GRIN1: variants seen among roughly 807,000 people sequenced by gnomAD.
GRIN1 encodes glutamate ionotropic receptor NMDA type subunit 1.
A neutral mutation model predicts 103.0 loss-of-function variants in GRIN1; 38 were observed. The observed-to-expected ratio is 0.37, with a 90% CI of 0.28 to 0.48. The LOEUF is 0.48. Among genes scored for constraint, GRIN1 ranks in the 20% least tolerant of loss-of-function variants. The pLI is 0.98. For missense variants in GRIN1, 577 were observed against 1,288.9 expected, an observed-to-expected ratio of 0.45 and a Z score of 8.46; for synonymous variants, 544 against 532.7, an observed-to-expected ratio of 1.02 and a Z score of -0.29.
At chr9:137,167,361 C>T in intron 19 of GRIN1, 50 bp from the exon 20 acceptor site, 2 of 1,430,974 alleles carry the variant, frequency 1.4e-6, no homozygotes, top group Non-Finnish European at 1.9e-6. Flanking sequence ...GCTGGGGTCC[C>T]TGGCGGCCGG....
chr9:137,143,620 T>G (rs1267111173), intron 2 of GRIN1, among the ~76,000 whole-genome samples: 1 of 152,162 alleles, frequency 6.6e-6, no homozygotes, highest in Non-Finnish European at 1.5e-5. Context: ...GTCTCTACAC[T>G]ACAACCAACC....
Position 137,145,878 on chromosome 9 carries a change from G to A in GRIN1, c.546G>A (p.Thr182=), listed in dbSNP as rs77854056. 4.4e-5 allele frequency: 71 copies of A among 1,606,664 alleles called. 1 individual carries two copies. Among genetic ancestry groups the A allele is most frequent in the Non-Finnish European group, 4.8e-5 (57 of 1,176,836 alleles). ...GGGCGGCTCAGAAACGCCTGGAGAC[G>A]CTGCTGGAGGAGCGTGAGTCCAAGG... ...EGRAAQKRLE[T]LLEERESKAE... The change falls in exon 3 of 20, where the codon ACG becomes ACA. Residue 182 remains threonine (T), a synonymous_variant. Transcript: ENST00000371561.
chr9:137,148,904 A>G lies in GRIN1; in HGVS notation c.571-105A>G, dbSNP rs1832690908. On this transcript the variant is annotated intron_variant, in intron 3 of 19. Coordinates refer to ENST00000371561, the MANE Select transcript of GRIN1 (RefSeq NM_007327.4). ...GGCAGGCGCAGACCATGGCAGCCCT[A>G]GCTAAGCTGCCTCGGGGTTCCCAGC... is the stretch of plus-strand genomic sequence containing the variant. The G allele has an allele frequency of 3.7e-6, 3 of 810,394 alleles. No homozygotes were observed. In the African/African-American group the frequency reaches 5.1e-5, roughly 14 times the overall value. 50.2% of individuals were successfully genotyped at this position (810,394 alleles called of 1,614,324 possible). A position where few individuals can be genotyped will look rare whatever the true frequency, so the allele number is the denominator to read the frequency against.
rs201405430 is a variant in GRIN1, at chr9:137,163,214, G to A, written c.2217G>A (p.Glu739=). Residue 739 remains glutamate, a synonymous_variant, in exon 16 of 20, where the codon GAG becomes GAA. Transcript: ENST00000371561. ...FIWDSAVLEF[E]ASQKCDLVTT... Reference sequence around the variant, plus strand: ...GGGACTCGGCGGTGCTGGAGTTCGAGGCCTCGCAGAAGTGCGACCTGGTGA... The same window carrying A: ...GGGACTCGGCGGTGCTGGAGTTCGAAGCCTCGCAGAAGTGCGACCTGGTGA... 2.5e-6 allele frequency: 4 copies of A among 1,613,536 alleles called. No homozygotes were observed. The highest frequency in any genetic ancestry group is 1.7e-5 in the Admixed American group (1 of 60,008).
intron 4 of GRIN1, among the ~76,000 whole-genome samples, chr9:137,154,058 T>C (rs1040333349): frequency 2.7e-5 from 4 of 150,212 alleles, no homozygotes; most frequent in African/African-American, 7.4e-5. Flanking sequence ...GTGATCCGCC[T>C]GCCTCAGCCT....
At chr9:137,143,490 T>A (rs1832286657) in intron 2 of GRIN1, among the ~76,000 whole-genome samples, 1 of 152,180 alleles carries the variant, frequency 6.6e-6, no homozygotes, top group Non-Finnish European at 1.5e-5. Context: ...GGAGAGAAGA[T>A]GGCCTTACCC....
At chr9:137,162,121 G>C in intron 11 of GRIN1, 33 bp downstream of exon 11, 3 of 1,529,714 alleles carry the variant, frequency 2.0e-6, no homozygotes, top group African/African-American at 1.4e-5. Context: ...GGTGGCGGCG[G>C]GGGGAGTCCC....
At chr9:137,148,784 G>A (rs972959734) in intron 3 of GRIN1, among the ~76,000 whole-genome samples, 10 of 152,226 alleles carry the variant, frequency 6.6e-5, no homozygotes, top group Admixed American at 1.3e-4. Context: ...AGCACAGAAC[G>A]AGCACAGGTG....
In GRIN1 at chr9:137,162,866, G is replaced by C; in HGVS notation, c.2034G>C (p.Lys678Asn). Residue 678 changes from lysine (K) to asparagine (N), a missense_variant, in exon 15 of 20, where the codon AAG (lysine) becomes AAC (asparagine). This residue lies in a region of GRIN1 where 59 missense variants were observed against 161.3 expected (regional missense o/e 0.37). Coordinates refer to ENST00000371561, the MANE Select transcript of GRIN1 (RefSeq NM_007327.4). Reference protein sequence around the residue: ...NDPRLRNPSDKFIYATVKQSS... With the variant: ...NDPRLRNPSDNFIYATVKQSS... ...TGCAGCTGAGGAACCCCTCGGACAA[G>C]TTTATCTACGCCACGGTGAAGCAGA... The C allele has an allele frequency of 6.2e-7, 1 of 1,612,284 alleles. No homozygotes were observed. Among genetic ancestry groups the C allele is most frequent in the Non-Finnish European group, 8.5e-7 (1 of 1,179,690 alleles).
rs1833959353 is a variant in GRIN1, at chr9:137,167,743, G to A, written c.*216G>A. ...GCGTGCCCCCAGCGTGGGGCTAACG[G>A]GCGCCTTGTCTGTGTATTTCTATTT... On this transcript the variant is annotated 3_prime_UTR_variant, in exon 20 of 20. Transcript: ENST00000371561. The A allele has an allele frequency of 6.2e-7, 1 of 1,611,220 alleles. No homozygotes were observed. Among genetic ancestry groups the A allele is most frequent in the Non-Finnish European group, 8.5e-7 (1 of 1,179,060 alleles).
chr9:137,140,367 C>T (rs530934151), intron 1 of GRIN1, among the ~76,000 whole-genome samples: 6 of 152,320 alleles, frequency 3.9e-5, no homozygotes, highest in African/African-American at 1.4e-4. Context: ...GGGCCGAGCG[C>T]CTGCTGAATT....
chr9:137,164,151 G>C, intron 18 of GRIN1: 1 of 558,888 alleles, frequency 1.8e-6, no homozygotes, highest in East Asian at 3.1e-5. Flanking sequence ...CCAAGCCTCC[G>C]CCTGGCCCCT....
chr9:137,157,575 G>A (rs545493410), intron 6 of GRIN1, among the ~76,000 whole-genome samples: 1 of 152,294 alleles, frequency 6.6e-6, no homozygotes, highest in East Asian at 1.9e-4. Context: ...AGGGACCCAG[G>A]AGGCCAGACA....
chr9:137,154,177 T>G (rs1012697014), intron 4 of GRIN1, among the ~76,000 whole-genome samples: 1 of 148,226 alleles, frequency 6.7e-6, no homozygotes, highest in African/African-American at 2.5e-5. Context: ...CAGGCTGGAG[T>G]ACAGTGGCAC....
chr9:137,155,191 C>T (rs1369142154), intron 4 of GRIN1, among the ~76,000 whole-genome samples: 1 of 152,236 alleles, frequency 6.6e-6, no homozygotes, highest in African/African-American at 2.4e-5. Flanking sequence ...CATTCCACCA[C>T]ATCACATGTC....
At chr9:137,163,046 G>A (rs1248954014) in intron 15 of GRIN1, 43 bp downstream of exon 15, 1 of 1,558,552 alleles carries the variant, frequency 6.4e-7, no homozygotes, top group Admixed American at 1.9e-5. Context: ...GACAGGTGCG[G>A]GGAGGGGGAG....
chr9:137,139,852 C>T lies in GRIN1; in HGVS notation c.258+108C>T. 1.1e-6 allele frequency: 1 copy of T among 902,018 alleles called. No homozygotes were observed. The highest frequency in any genetic ancestry group is 1.8e-6 in the Non-Finnish European group (1 of 555,394). The allele number at this position is 902,018 out of a possible 1,614,324, so 55.9% of individuals were successfully genotyped here. ...GTGCCCCCTTCCTCCCTGTAAGACA[C>T]CACCCCAGAGTCAGCTGGCTGCTTC... On this transcript the variant is annotated intron_variant, in intron 1 of 19. Transcript: ENST00000371561. The surrounding 1 kb of genome is among the most constrained non-coding windows in gnomAD (Gnocchi z 7.7).
intron 4 of GRIN1, among the ~76,000 whole-genome samples, chr9:137,152,218 T>C (rs1317332951): frequency 6.6e-6 from 1 of 152,214 alleles, no homozygotes; most frequent in East Asian, 1.9e-4. Flanking sequence ...TTGTGGCCTC[T>C]TCTGTTATTT....
chr9:137,153,403 C>T (rs1588710430), intron 4 of GRIN1, among the ~76,000 whole-genome samples: 1 of 151,614 alleles, frequency 6.6e-6, no homozygotes, highest in African/African-American at 2.4e-5. Flanking sequence ...ACACCACATG[C>T]TCCATGCATA....
Sources: gnomAD v4.1 joint callset for allele counts (sites outside exome capture counted in the v4.1 genomes callset) on GRCh38, gnomAD v4.1.1 for gene constraint, gnomAD v4.1.1 regional missense constraint, Gnocchi (gnomAD v3.1) non-coding constraint, MANE v1.5 for transcripts, NCBI Gene and HGNC (gene_info 2026-07-23, HGNC 2026-07-21) for gene names.